Variants in APAF1 observed in about 807,000 individuals in gnomAD.
APAF1 encodes apoptotic peptidase activating factor 1, also known as apoptotic protease-activating factor 1.
Under a neutral mutation model 152.4 loss-of-function variants are expected in APAF1, and 91 were observed. The ratio of observed to expected loss-of-function variants is 0.60; its 90% CI spans 0.50 to 0.71. The LOEUF (loss-of-function observed/expected upper bound fraction) is 0.71. Ranked by LOEUF, APAF1 falls within the 30% of genes least tolerant of loss-of-function variation. The probability of loss-of-function intolerance (pLI) is 0.00; values close to 1 mark genes in which losing one functional copy is unlikely to be tolerated. For missense variants in APAF1, 1,283 were observed against 1,472.0 expected (o/e 0.87, Z 2.10); for synonymous variants, 484 against 494.1 (o/e 0.98, Z 0.27).
At chr12:98,656,329 G>A (rs536618843) in intron 4 of APAF1, among the ~76,000 whole-genome samples, 41 of 152,304 alleles carry the variant, frequency 2.7e-4, no homozygotes, top group Non-Finnish European at 4.3e-4. Flanking sequence ...ACAGCTTTAA[G>A]TTTAAGTGAA....
chr12:98,691,321 CT>C (rs1295435113), intron 16 of APAF1, among the ~76,000 whole-genome samples: 2 of 152,074 alleles, frequency 1.3e-5, no homozygotes, highest in Non-Finnish European at 2.9e-5. Flanking sequence ...GATTTTTCTT[CT>C]TTTTTGAATT....
intron 4 of APAF1, among the ~76,000 whole-genome samples, chr12:98,651,701 C>T (rs1344743408): frequency 1.3e-5 from 2 of 152,086 alleles, no homozygotes; most frequent in East Asian, 3.9e-4. Flanking sequence ...CACCCTGTTG[C>T]CCAGGCTGAG....
At chr12:98,665,278 A>ATATATATATATATATATATATATTTT (rs1491316422) in intron 7 of APAF1, among the ~76,000 whole-genome samples, 3 of 65,990 alleles carry the variant, frequency 4.5e-5, no homozygotes, top group African/African-American at 1.1e-4. Context: ...ATATATATAT[A>ATATATATATATATATATATATATTTT]TTTTTTTTTT....
intron 26 of APAF1, among the ~76,000 whole-genome samples, chr12:98,732,111 G>C (rs1444953585): frequency 6.6e-6 from 1 of 152,156 alleles, no homozygotes; most frequent in Non-Finnish European, 1.5e-5. Context: ...CAAGAGAGTT[G>C]AGTCTGGCCA....
At position 98,671,519 on chromosome 12, in the gene APAF1, T is replaced by G. The variant is rs1201958477; in HGVS notation, c.1609-16T>G. The stretch of plus-strand genomic sequence containing the variant: ...GGCTCTGATTGTGTTTCTAAGAGAT[T>G]TCAGTTTATTTGTAGGATTGTGCAG... On this transcript the variant is annotated splice_polypyrimidine_tract_variant and intron_variant, in intron 11 of 26. Transcript: ENST00000551964. 1 of 1,611,836 alleles carries G rather than the reference T, an allele frequency of 6.2e-7. No individual in the cohort carries two copies. The highest frequency in any genetic ancestry group is 2.2e-5 in the East Asian group (1 of 44,862).
At chr12:98,702,738 T>C (rs923309317) in intron 17 of APAF1, among the ~76,000 whole-genome samples, 1 of 151,780 alleles carries the variant, frequency 6.6e-6, no homozygotes, top group African/African-American at 2.4e-5. Context: ...GGCAGGAGAA[T>C]TGCTTGAACC....
intron 15 of APAF1, among the ~76,000 whole-genome samples, chr12:98,685,063 T>C (rs2097696537): frequency 6.6e-6 from 1 of 152,238 alleles, no homozygotes; most frequent in Non-Finnish European, 1.5e-5. Flanking sequence ...GAGTCAAAGA[T>C]AGAAGTGGAC....
chr12:98,678,126 A>G (rs2097688489), intron 13 of APAF1, among the ~76,000 whole-genome samples: 2 of 152,248 alleles, frequency 1.3e-5, no homozygotes, highest in African/African-American at 2.4e-5. Flanking sequence ...TTGCAAGATT[A>G]TGACTCCATA....
At position 98,734,910 on chromosome 12, in the gene APAF1, A is replaced by G; in HGVS notation, c.*2344A>G. 1 of 333,498 alleles carries G rather than the reference A, an allele frequency of 3.0e-6. No homozygotes were observed. The highest frequency in any genetic ancestry group is 5.4e-6 in the Non-Finnish European group (1 of 186,464). The allele number at this position is 333,498 out of a possible 1,614,324, so 20.7% of individuals were successfully genotyped here. On this transcript the variant is annotated 3_prime_UTR_variant, in exon 27 of 27. Coordinates refer to ENST00000551964, the MANE Select transcript of APAF1 (RefSeq NM_181861.2). ...CCACTGACTGTTATAAAGTATAACA[A>G]CACACATCAGGTTTTAAAAAGCCTT...
intron 23 of APAF1, 137 bp downstream of exon 23, chr12:98,723,449 A>G: frequency 9.3e-7 from 1 of 1,074,620 alleles, no homozygotes; most frequent in Non-Finnish European, 1.4e-6. Context: ...TTTTCTGTTA[A>G]TTGCAGTCAC....
At chr12:98,723,826 A>G (rs2097746618) in intron 24 of APAF1, 62 bp downstream of exon 24, 1 of 1,538,442 alleles carries the variant, frequency 6.5e-7, no homozygotes, top group African/African-American at 1.4e-5. Context: ...AATGAGTTCA[A>G]ATAATATATG....
chr12:98,708,103 T>C (rs145031265), intron 19 of APAF1, among the ~76,000 whole-genome samples: 51 of 152,290 alleles, frequency 3.3e-4, no homozygotes, highest in African/African-American at 1.2e-3. Context: ...CACACCACCA[T>C]GCCCAGCCAA....
At chr12:98,710,354 T>C (rs563451777) in intron 20 of APAF1, among the ~76,000 whole-genome samples, 1 of 152,250 alleles carries the variant, frequency 6.6e-6, no homozygotes, top group Non-Finnish European at 1.5e-5. Flanking sequence ...AGTGATAACA[T>C]AGTCTTATGC....
At chr12:98,687,888 T>G (rs567112163) in intron 16 of APAF1, among the ~76,000 whole-genome samples, 2 of 152,284 alleles carry the variant, frequency 1.3e-5, no homozygotes, top group East Asian at 3.9e-4. Flanking sequence ...CTTGGCTCAC[T>G]GCAGCCTCTG....
At chr12:98,669,412 G>C (rs1268608800) in intron 10 of APAF1, among the ~76,000 whole-genome samples, 7 of 152,198 alleles carry the variant, frequency 4.6e-5, no homozygotes, top group Non-Finnish European at 7.4e-5. Context: ...AAGGAAAACA[G>C]AGATCACAAC....
At chr12:98,656,072 C>T (rs1220249991) in intron 4 of APAF1, among the ~76,000 whole-genome samples, 1 of 152,074 alleles carries the variant, frequency 6.6e-6, no homozygotes, top group Non-Finnish European at 1.5e-5. Flanking sequence ...CATGAGCCAC[C>T]GCGCCCGGCC....
At chr12:98,703,546 A>G in intron 18 of APAF1, 47 bp downstream of exon 18, 1 of 1,612,476 alleles carries the variant, frequency 6.2e-7, no homozygotes, top group Non-Finnish European at 8.5e-7. Flanking sequence ...CCAGAGATCA[A>G]AGGATGACAG....
At chr12:98,711,430 TGA>T (rs2097727808) in intron 20 of APAF1, among the ~76,000 whole-genome samples, 2 of 152,210 alleles carry the variant, frequency 1.3e-5, no homozygotes, top group South Asian at 4.1e-4. Context: ...AATTGATTTT[TGA>T]GAGAAGATGT....
chr12:98,727,468 G>T, intron 26 of APAF1, 152 bp downstream of exon 26: 1 of 812,150 alleles, frequency 1.2e-6, no homozygotes, highest in African/African-American at 1.7e-5. Context: ...GATCGCTGGA[G>T]TCTGTGAGGT....
Sources: allele counts gnomAD v4.1 joint callset (sites outside exome capture counted in the v4.1 genomes callset), GRCh38; gene constraint gnomAD v4.1.1; transcripts MANE v1.5; gene names NCBI Gene and HGNC (gene_info 2026-07-23, HGNC 2026-07-21).